The following INTS6 variants were observed in gnomAD, a reference collection of about 807,000 sequenced individuals.
The protein encoded by INTS6 is DEAD box protein.
INTS6 carries 16 observed loss-of-function variants against 104.9 expected under a neutral mutation model. The ratio of observed to expected loss-of-function variants is 0.15; its 90% CI spans 0.10 to 0.23. The LOEUF (loss-of-function observed/expected upper bound fraction) is 0.23, where lower values mean the gene tolerates loss of function less well. Ranked by LOEUF, INTS6 falls within the 10% of genes least tolerant of loss-of-function variation. The pLI is 1.00. For missense variants in INTS6, 584 were observed against 1,062.8 expected, an observed-to-expected ratio of 0.55 and a Z score of 6.26; for synonymous variants, 324 against 358.7, an observed-to-expected ratio of 0.90 and a Z score of 1.09.
chr13:51,392,250 A>C (rs952506643), intron 5 of INTS6, among the ~76,000 whole-genome samples: 1 of 152,230 alleles, frequency 6.6e-6, no homozygotes, highest in Non-Finnish European at 1.5e-5. Flanking sequence ...ATATAAAAAT[A>C]TATTTATTGT....
At chr13:51,371,793 T>C (rs188403375) in intron 15 of INTS6, among the ~76,000 whole-genome samples, 58 of 152,188 alleles carry the variant, frequency 3.8e-4, no homozygotes, top group African/African-American at 1.4e-3. Flanking sequence ...CTTCACCTTC[T>C]ACCTCACAGA....
chr13:51,369,985 T>A (rs1325133141), intron 15 of INTS6, among the ~76,000 whole-genome samples: 1 of 152,162 alleles, frequency 6.6e-6, no homozygotes, highest in Non-Finnish European at 1.5e-5. Context: ...GAATTTTAAG[T>A]TCTCTGATTG....
At chr13:51,340,772 T>G in the INTS6 span, 2 of 422,544 alleles carry the variant, frequency 4.7e-6, no homozygotes, top group Non-Finnish European at 8.6e-6. Flanking sequence ...GCTTTGCTTC[T>G]GATCTGACCA....
At chr13:51,394,499 C>T (rs1956300377) in intron 5 of INTS6, among the ~76,000 whole-genome samples, 2 of 152,086 alleles carry the variant, frequency 1.3e-5, no homozygotes, top group South Asian at 2.1e-4. Context: ...ACTGTGTCTG[C>T]AGATTATGTC....
At chr13:51,391,986 G>A (rs1418536245) in intron 5 of INTS6, among the ~76,000 whole-genome samples, 1 of 152,050 alleles carries the variant, frequency 6.6e-6, no homozygotes, top group Non-Finnish European at 1.5e-5. Context: ...CTAGTGGTTC[G>A]GACCAACTGA....
At chr13:51,350,835 C>G (rs1955396457), downstream of INTS6, among the ~76,000 whole-genome samples, 1 of 152,106 alleles carries the variant, frequency 6.6e-6, no homozygotes, top group Admixed American at 6.5e-5. Context: ...TCTATTTGCT[C>G]TCAATAGATT....
At chr13:51,414,624 T>A (rs1210052751) in intron 4 of INTS6, among the ~76,000 whole-genome samples, 1 of 152,178 alleles carries the variant, frequency 6.6e-6, no homozygotes, top group African/African-American at 2.4e-5. Context: ...AGAAGCTTAA[T>A]AAAAGCTTTT....
At chr13:51,370,139 T>A (rs1955776006) in intron 15 of INTS6, among the ~76,000 whole-genome samples, 1 of 152,186 alleles carries the variant, frequency 6.6e-6, no homozygotes, top group Non-Finnish European at 1.5e-5. Context: ...TTCGATTCCA[T>A]GATTTGCAAA....
At chr13:51,343,936 C>G in the INTS6 span, among the ~76,000 whole-genome samples, 1 of 152,230 alleles carries the variant, frequency 6.6e-6, no homozygotes, top group African/African-American at 2.4e-5. Flanking sequence ...CATCAACCTT[C>G]CTAAAGCAGA....
At chr13:51,428,903 C>T (rs545806117) in intron 4 of INTS6, among the ~76,000 whole-genome samples, 1 of 152,232 alleles carries the variant, frequency 6.6e-6, no homozygotes, top group Non-Finnish European at 1.5e-5. Context: ...TAGCTCTTTT[C>T]CCCCAAATAA....
intron 12 of INTS6, among the ~76,000 whole-genome samples, chr13:51,377,417 C>T (rs1244544226): frequency 6.6e-6 from 1 of 152,058 alleles, no homozygotes; most frequent in Non-Finnish European, 1.5e-5. Context: ...TCTTTGCTAA[C>T]TCAACATCAC....
chr13:51,364,124 C>A lies in INTS6; in HGVS notation c.*1628G>T. 2.2e-6 allele frequency: 1 copy of A among 460,158 alleles called. No individual in the cohort carries two copies. The highest frequency in any genetic ancestry group is 5.8e-5 in the South Asian group (1 of 17,256). The allele number at this position is 460,158 out of a possible 1,614,324, so 28.5% of individuals were successfully genotyped here. ...CTACAGGCAATTACCTTAACAATTCCATCTATTAAATGTTATCTTGCATTA... is the reference window on the plus strand; with the variant it reads ...CTACAGGCAATTACCTTAACAATTCAATCTATTAAATGTTATCTTGCATTA... On this transcript the variant is annotated 3_prime_UTR_variant, in exon 18 of 18. Transcript: ENST00000311234.
At chr13:51,446,394 T>C (rs1338454062) in intron 3 of INTS6, 1 of 152,098 alleles carries the variant, frequency 6.6e-6, no homozygotes, top group Non-Finnish European at 1.5e-5. Flanking sequence ...AATGTCAAAG[T>C]AAAACAGAAA....
intron 3 of INTS6, chr13:51,450,327 C>G (rs1953009998): frequency 1.7e-5 from 17 of 985,248 alleles, no homozygotes; most frequent in Non-Finnish European, 2.0e-5. Flanking sequence ...ATTTAAAGCT[C>G]CTCTCATCCT....
intron 6 of INTS6, 118 bp from the exon 7 acceptor site, chr13:51,387,658 G>T: frequency 2.5e-6 from 2 of 786,608 alleles, no homozygotes; most frequent in Non-Finnish European, 3.7e-6. Context: ...TCTTTTTCCA[G>T]GTTTTCCTAT....
At chr13:51,450,781 G>A (rs1176099875) in intron 3 of INTS6, 3 of 1,126,576 alleles carry the variant, frequency 2.7e-6, no homozygotes, top group African/African-American at 3.2e-5. Flanking sequence ...ACCAATGTAT[G>A]TCAACTTTAT....
At chr13:51,345,592 C>CAAAAAAAAA in the INTS6 span, among the ~76,000 whole-genome samples, 6 of 37,034 alleles carry the variant, frequency 1.6e-4, no homozygotes, top group Non-Finnish European at 2.2e-4. Flanking sequence ...GATTTCATCT[C>CAAAAAAAAA]AAAAAAAAAA....
intron 3 of INTS6, among the ~76,000 whole-genome samples, chr13:51,355,964 A>G (rs1185074425): frequency 1.3e-5 from 2 of 152,164 alleles, no homozygotes; most frequent in African/African-American, 2.4e-5. Flanking sequence ...GAATTCTAGA[A>G]CATCATAATG....
chr13:51,450,342 T>A, intron 3 of INTS6: 4 of 985,400 alleles, frequency 4.1e-6, no homozygotes, highest in Non-Finnish European at 4.8e-6. Flanking sequence ...CATCCTCAAA[T>A]ACATGAAAGT....
Sources: allele counts gnomAD v4.1 joint callset (sites outside exome capture counted in the v4.1 genomes callset), GRCh38; gene constraint gnomAD v4.1.1; transcripts MANE v1.5; gene names NCBI Gene and HGNC (gene_info 2026-07-23, HGNC 2026-07-21).